SEMA3C: variants seen among roughly 807,000 people sequenced by gnomAD.
SEMA3C encodes the protein semaphorin-3C.
In SEMA3C, 47 loss-of-function variants were observed where a neutral mutation model predicts 89.4. The ratio of observed to expected loss-of-function variants is 0.53; its 90% CI spans 0.42 to 0.67. SEMA3C has a LOEUF of 0.67. SEMA3C is among the 30% of genes least tolerant of loss of function. SEMA3C has a pLI of 0.00. For synonymous variants in SEMA3C, 310 were observed against 320.2 expected (o/e 0.97, Z 0.34); for missense variants, 839 against 929.1 (o/e 0.90, Z 1.26).
At chr7:80,836,043 A>G (rs113856938) in intron 2 of SEMA3C, among the ~76,000 whole-genome samples, 2,067 of 152,230 alleles carry the variant, frequency 0.014, 52 homozygotes, top group African/African-American at 0.047. Flanking sequence ...TGCTCTGGAC[A>G]TGGGTCTGCA....
chr7:80,836,299 G>T (rs958244876), intron 2 of SEMA3C, among the ~76,000 whole-genome samples: 3 of 152,150 alleles, frequency 2.0e-5, no homozygotes, highest in African/African-American at 4.8e-5. Context: ...CTTTTTGACA[G>T]GCATGATGGG....
chr7:80,776,794 A>G lies in SEMA3C; in HGVS notation c.1355-11551T>C, dbSNP rs185540015. 2.1e-3 allele frequency among the ~76,000 whole-genome samples: 313 copies of G among 152,286 alleles called. 1 individual carries two copies. The highest frequency in any genetic ancestry group is 0.018 in the East Asian group (93 of 5,186). On this transcript the variant is annotated intron_variant, in intron 12 of 17. Coordinates refer to ENST00000265361, the MANE Select transcript of SEMA3C (RefSeq NM_006379.5). ...GTAGGTGATGCTGGAAAATAATTGC[A>G]TGCATATTGTTCATTACCATTTGTA...
rs138080253 is a variant in SEMA3C, at chr7:80,763,008, A to G, written c.1444-1351T>C. ...TAATTCTCCATTGTGACAATTTTTGATCATCCCTTATAAATATGTACACAC... is the reference window on the plus strand; with the variant it reads ...TAATTCTCCATTGTGACAATTTTTGGTCATCCCTTATAAATATGTACACAC... On this transcript the variant is annotated intron_variant, in intron 13 of 17. Transcript: ENST00000265361. 1.6e-3 allele frequency among the ~76,000 whole-genome samples: 246 copies of G among 152,288 alleles called. 1 individual carries two copies. The highest frequency in any genetic ancestry group is 5.7e-3 in the African/African-American group (238 of 41,566).
chr7:80,841,356 T>C (rs867110528), intron 2 of SEMA3C, among the ~76,000 whole-genome samples: 1 of 152,162 alleles, frequency 6.6e-6, no homozygotes, highest in Non-Finnish European at 1.5e-5. Flanking sequence ...TTGACAAAAA[T>C]GCAACTTATA....
At chr7:80,776,945 G>A (rs1237489279) in intron 12 of SEMA3C, among the ~76,000 whole-genome samples, 1 of 151,998 alleles carries the variant, frequency 6.6e-6, no homozygotes, top group African/African-American at 2.4e-5. Context: ...TAAATGCATA[G>A]CTATATACTA....
chr7:80,876,003 C>T (rs1009495399), intron 2 of SEMA3C, among the ~76,000 whole-genome samples: 1 of 151,968 alleles, frequency 6.6e-6, no homozygotes, highest in Admixed American at 6.6e-5. Context: ...TTATGGCCAC[C>T]GTGCATGATA....
At chr7:80,890,878 C>T (rs1007287226) in intron 2 of SEMA3C, among the ~76,000 whole-genome samples, 1 of 152,154 alleles carries the variant, frequency 6.6e-6, no homozygotes, top group African/African-American at 2.4e-5. Context: ...CTTTGTAGTG[C>T]TGTATTTTAG....
chr7:80,882,214 C>G lies in SEMA3C; in HGVS notation c.103+34465G>C, dbSNP rs114755578. On this transcript the variant is annotated intron_variant, in intron 2 of 17. Transcript: ENST00000265361. ...TGACTCAATACTGTGTGGATCAGAC[C>G]ACTAAAATGCCTCCACACAAAATCT... Among the ~76,000 whole-genome samples, 126 of 151,906 alleles carry G rather than the reference C, an allele frequency of 8.3e-4. 1 individual carries two copies. The highest frequency in any genetic ancestry group is 2.8e-3 in the African/African-American group (115 of 41,448).
intron 2 of SEMA3C, among the ~76,000 whole-genome samples, chr7:80,851,787 A>C (rs951266866): frequency 9.9e-5 from 15 of 151,506 alleles, no homozygotes; most frequent in African/African-American, 1.7e-4. Context: ...AGTGATAAAG[A>C]AAAAAAAAGT....
chr7:80,811,797 G>C (rs1789475332), intron 5 of SEMA3C, among the ~76,000 whole-genome samples: 1 of 152,088 alleles, frequency 6.6e-6, no homozygotes, highest in South Asian at 2.1e-4. Context: ...CCTATTACAA[G>C]AGTCCAGAGA....
intron 17 of SEMA3C, among the ~76,000 whole-genome samples, chr7:80,747,227 C>G (rs1787823322): frequency 6.6e-6 from 1 of 151,948 alleles, no homozygotes; most frequent in Non-Finnish European, 1.5e-5. Flanking sequence ...ATATTTGAGT[C>G]TCCATATTCT....
intron 5 of SEMA3C, among the ~76,000 whole-genome samples, chr7:80,814,265 T>C (rs968132450): frequency 1.3e-5 from 2 of 152,008 alleles, no homozygotes; most frequent in Admixed American, 1.3e-4. Flanking sequence ...ATTTTTTGTA[T>C]TTTTAGTAGA....
chr7:80,864,256 C>A (rs57535735), intron 2 of SEMA3C, among the ~76,000 whole-genome samples: 1 of 151,052 alleles, frequency 6.6e-6, no homozygotes, highest in Admixed American at 6.6e-5. Context: ...AGAGTGAGAG[C>A]GGGTGAGGGA....
chr7:80,888,094 T>C (rs1791524651), intron 2 of SEMA3C, among the ~76,000 whole-genome samples: 1 of 152,162 alleles, frequency 6.6e-6, no homozygotes, highest in Non-Finnish European at 1.5e-5. Flanking sequence ...TCAGAAATGA[T>C]TCCTGAGTCT....
chr7:80,872,293 G>A (rs1442485214), intron 2 of SEMA3C, among the ~76,000 whole-genome samples: 1 of 151,912 alleles, frequency 6.6e-6, no homozygotes, highest in Non-Finnish European at 1.5e-5. Flanking sequence ...TGGGACTACA[G>A]GCACGCACCA....
At chr7:80,811,834 T>C (rs184680786) in intron 5 of SEMA3C, among the ~76,000 whole-genome samples, 1 of 152,150 alleles carries the variant, frequency 6.6e-6, no homozygotes, top group African/African-American at 2.4e-5. Flanking sequence ...TGACATGGCA[T>C]GTTTTCAGTG....
At chr7:80,795,202 T>C (rs1299890587) in intron 11 of SEMA3C, among the ~76,000 whole-genome samples, 2 of 152,294 alleles carry the variant, frequency 1.3e-5, no homozygotes, top group South Asian at 2.1e-4. Context: ...TATTAAACCC[T>C]GGAAGTGCAA....
chr7:80,888,258 C>CA (rs916179325), intron 2 of SEMA3C, among the ~76,000 whole-genome samples: 3 of 151,532 alleles, frequency 2.0e-5, no homozygotes, highest in African/African-American at 7.3e-5. Context: ...ACAAAAAATA[C>CA]AAAAAACTAG....
At chr7:80,784,458 G>T (rs934529855) in intron 12 of SEMA3C, among the ~76,000 whole-genome samples, 4 of 146,714 alleles carry the variant, frequency 2.7e-5, no homozygotes, top group African/African-American at 9.8e-5. Flanking sequence ...CAAAGTAGCA[G>T]CATTTTTTTT....
Sources: gnomAD v4.1 joint callset for allele counts (sites outside exome capture counted in the v4.1 genomes callset) on GRCh38, gnomAD v4.1.1 for gene constraint, MANE v1.5 for transcripts, NCBI Gene and HGNC (gene_info 2026-07-23, HGNC 2026-07-21) for gene names.